LOC400499: variants seen among roughly 807,000 people sequenced by gnomAD.
the LOC400499 span, among the ~76,000 whole-genome samples, chr16:11,477,345 G>A: frequency 1.3e-5 from 2 of 152,350 alleles, no homozygotes; most frequent in African/African-American, 4.8e-5. Flanking sequence ...CAGATGCTCA[G>A]CAGCACCATG....
chr16:11,450,916 T>C, the LOC400499 span: 3 of 1,101,630 alleles, frequency 2.7e-6, no homozygotes, highest in African/African-American at 1.6e-5. Flanking sequence ...ACAGCCGCAA[T>C]GGACAAATCT....
chr16:11,453,216 T>C, the LOC400499 span, among the ~76,000 whole-genome samples: 1 of 152,216 alleles, frequency 6.6e-6, no homozygotes, highest in Non-Finnish European at 1.5e-5. Context: ...GGAGAATAGA[T>C]TTTTTTAAAT....
At chr16:11,385,391 C>T in the LOC400499 span, 1 of 1,232,312 alleles carries the variant, frequency 8.1e-7, no homozygotes, top group Non-Finnish European at 1.0e-6. Context: ...TCACCACGTG[C>T]TGGGCCCCAG....
chr16:11,418,531 T>C, the LOC400499 span, among the ~76,000 whole-genome samples: 212 of 152,280 alleles, frequency 1.4e-3, 1 homozygote, highest in African/African-American at 4.7e-3. Context: ...TGCCCTATAT[T>C]GTCTAAAAAG....
At chr16:11,455,381 G>A in the LOC400499 span, among the ~76,000 whole-genome samples, 2 of 152,110 alleles carry the variant, frequency 1.3e-5, no homozygotes, top group Non-Finnish European at 2.9e-5. Context: ...TTTTAAATAT[G>A]GAGAATATAA....
At chr16:11,460,199 T>C in the LOC400499 span, 1 of 758,836 alleles carries the variant, frequency 1.3e-6, no homozygotes, top group Non-Finnish European at 1.8e-6. Context: ...TTTTAATTTA[T>C]TACTTATTTA....
the LOC400499 span, chr16:11,383,781 T>TACC: frequency 2.4e-6 from 3 of 1,232,182 alleles, no homozygotes; most frequent in Non-Finnish European, 2.0e-6. Context: ...GTGTAGGGTC[T>TACC]ACCTGAAATC....
At chr16:11,491,455 G>A in the LOC400499 span, among the ~76,000 whole-genome samples, 2 of 152,148 alleles carry the variant, frequency 1.3e-5, no homozygotes, top group Non-Finnish European at 2.9e-5. Flanking sequence ...GAGGACCAGA[G>A]AGGAGAAGCA....
chr16:11,439,393 C>A, the LOC400499 span: 6 of 397,812 alleles, frequency 1.5e-5, no homozygotes, highest in Non-Finnish European at 2.7e-5. Context: ...GGCCCCCATC[C>A]TGCCTTCTTT....
chr16:11,410,007 T>TG, the LOC400499 span, among the ~76,000 whole-genome samples: 1 of 152,166 alleles, frequency 6.6e-6, no homozygotes, highest in Non-Finnish European at 1.5e-5. Context: ...GAGCCAGGTG[T>TG]GGTGGTACCA....
the LOC400499 span, chr16:11,473,204 A>G: frequency 1.3e-5 from 2 of 151,840 alleles, no homozygotes; most frequent in Non-Finnish European, 2.9e-5. Context: ...AAAGATTTCT[A>G]AAATTTTTTT....
At chr16:11,469,912 T>A in the LOC400499 span, among the ~76,000 whole-genome samples, 4 of 152,094 alleles carry the variant, frequency 2.6e-5, no homozygotes, top group African/African-American at 9.7e-5. Flanking sequence ...CCCATCCTTT[T>A]TTGTTTTGAG....
chr16:11,384,033 G>C, the LOC400499 span: 1 of 1,231,832 alleles, frequency 8.1e-7, no homozygotes, highest in East Asian at 3.2e-5. Flanking sequence ...GCAAGACTCA[G>C]GCCTCCTGCT....
At chr16:11,467,406 T>A in the LOC400499 span, 1 of 151,760 alleles carries the variant, frequency 6.6e-6, no homozygotes, top group Admixed American at 6.6e-5. Flanking sequence ...GCCCAAGAGT[T>A]TGAGACCAGC....
At chr16:11,462,160 G>T in the LOC400499 span, 1 of 1,532,224 alleles carries the variant, frequency 6.5e-7, no homozygotes, top group South Asian at 1.2e-5. Flanking sequence ...TCAGCGATGC[G>T]GAGAAGGCCA....
chr16:11,466,515 A>G, the LOC400499 span, among the ~76,000 whole-genome samples: 1 of 152,050 alleles, frequency 6.6e-6, no homozygotes, highest in South Asian at 2.1e-4. Flanking sequence ...CAGCCTCCCA[A>G]GTAGCTGGGA....
the LOC400499 span, among the ~76,000 whole-genome samples, chr16:11,500,210 A>C: frequency 6.6e-6 from 1 of 152,138 alleles, no homozygotes; most frequent in Non-Finnish European, 1.5e-5. Flanking sequence ...CATCCTCCTT[A>C]TAGAGACCAG....
chr16:11,500,599 T>C, the LOC400499 span, among the ~76,000 whole-genome samples: 1 of 151,986 alleles, frequency 6.6e-6, no homozygotes, highest in South Asian at 2.1e-4. Context: ...GGGAGGCACA[T>C]TGCTGACCCT....
chr16:11,483,106 G>A, the LOC400499 span, among the ~76,000 whole-genome samples: 9 of 152,044 alleles, frequency 5.9e-5, no homozygotes, highest in Non-Finnish European at 4.4e-5. Context: ...TTAAAGCCAC[G>A]AGATACCACA....
Sources: gnomAD v4.1 joint callset for allele counts (sites outside exome capture counted in the v4.1 genomes callset) on GRCh38, gnomAD v4.1.1 for gene constraint, MANE v1.5 for transcripts.